ANK2: variants seen among roughly 807,000 people sequenced by gnomAD.
The protein encoded by ANK2 is ankyrin 2.
In ANK2, 83 loss-of-function variants were observed where a neutral mutation model predicts 360.5. The ratio of observed to expected loss-of-function variants is 0.23; its 90% CI spans 0.19 to 0.28. ANK2 has a LOEUF of 0.28. Among genes scored for constraint, ANK2 ranks in the 10% least tolerant of loss-of-function variants. ANK2 has a pLI of 1.00. For synonymous variants in ANK2, 1,740 were observed against 1,759.5 expected, an observed-to-expected ratio of 0.99 and a Z score of 0.28; for missense variants, 4,201 against 4,795.7, an observed-to-expected ratio of 0.88 and a Z score of 3.66.
intron 1 of ANK2, among the ~76,000 whole-genome samples, chr4:112,893,300 G>A (rs945180134): frequency 2.0e-5 from 3 of 152,042 alleles, no homozygotes; most frequent in Non-Finnish European, 2.9e-5. Context: ...GACCACAGGT[G>A]CATGCCACCA....
At position 113,024,865 on chromosome 4, in the gene ANK2, C is replaced by G. The variant is rs146807182; in HGVS notation, c.21+120351C>G. ...TAGAATGTTTTATTTAAATATTTAT[C>G]TTTCCCATAAAAAATTTTCTTTTAG... On this transcript the variant is annotated intron_variant, in intron 2 of 30. Coordinates refer to the ANK2 transcript ENST00000503271. Among the ~76,000 whole-genome samples the G allele has an allele frequency of 8.9e-4, 136 of 152,204 alleles. No individual in the cohort carries two copies. In the Middle Eastern group the frequency reaches 0.014, roughly 15 times the overall value.
At chr4:113,306,543 A>C (rs923744311) in intron 23 of ANK2, among the ~76,000 whole-genome samples, 1 of 152,250 alleles carries the variant, frequency 6.6e-6, no homozygotes, top group African/African-American at 2.4e-5. Flanking sequence ...GCAGTGGTAC[A>C]TAGAAAAAGT....
chr4:113,129,832 C>G (rs1233568738), intron 1 of ANK2, among the ~76,000 whole-genome samples: 2 of 152,018 alleles, frequency 1.3e-5, no homozygotes, highest in East Asian at 1.9e-4. Flanking sequence ...TTAAAAGACC[C>G]TTTTTTGAGG....
At chr4:112,947,822 G>T (rs889166120) in intron 2 of ANK2, among the ~76,000 whole-genome samples, 7 of 152,210 alleles carry the variant, frequency 4.6e-5, no homozygotes, top group Non-Finnish European at 1.0e-4. Context: ...AGTGAACAAT[G>T]ATTACTATTA....
chr4:112,709,878 T>C, the ANK2 span, among the ~76,000 whole-genome samples: 1 of 152,252 alleles, frequency 6.6e-6, no homozygotes, highest in Non-Finnish European at 1.5e-5. Context: ...CCGTCTGTCA[T>C]TGGTGCCAGA....
intron 9 of ANK2, among the ~76,000 whole-genome samples, chr4:113,243,584 A>G (rs768885867): frequency 3.9e-5 from 6 of 152,140 alleles, no homozygotes; most frequent in Non-Finnish European, 8.8e-5. Context: ...GTGTCTTTGC[A>G]TCAGAGTTTT....
chr4:112,717,897 ATC>A, the ANK2 span, among the ~76,000 whole-genome samples: 1 of 152,208 alleles, frequency 6.6e-6, no homozygotes, highest in South Asian at 2.1e-4. Flanking sequence ...AGAAAATCTT[ATC>A]TCTCTTTCTG....
At chr4:113,307,508 C>T (rs756381142) in intron 23 of ANK2, among the ~76,000 whole-genome samples, 4 of 149,540 alleles carry the variant, frequency 2.7e-5, no homozygotes, top group Non-Finnish European at 4.4e-5. Context: ...CTCCATCTCC[C>T]GGGTTCTCCT....
At chr4:113,035,905 T>C (rs1016315702) in intron 2 of ANK2, among the ~76,000 whole-genome samples, 3 of 151,958 alleles carry the variant, frequency 2.0e-5, no homozygotes, top group Non-Finnish European at 4.4e-5. Flanking sequence ...GATTTTAAAA[T>C]TTTCTGTCCA....
At chr4:112,951,645 A>T (rs2095015509) in intron 2 of ANK2, among the ~76,000 whole-genome samples, 2 of 130,994 alleles carry the variant, frequency 1.5e-5, no homozygotes, top group African/African-American at 3.1e-5. Flanking sequence ...CTAAGGGTTT[A>T]AAAAAAAAAT....
chr4:112,810,313 T>G, the ANK2 span, among the ~76,000 whole-genome samples: 2 of 151,602 alleles, frequency 1.3e-5, no homozygotes, highest in African/African-American at 4.8e-5. Context: ...AATAAAGATT[T>G]TTTTCTTAAC....
chr4:113,354,015 A>C lies in ANK2; in HGVS notation c.5397A>C (p.Lys1799Asn), dbSNP rs2095577614. ...IRVKGKEDVP[K>N]KTTHRPHPAA... is the part of the protein sequence containing the mutation. Reference sequence around the variant, plus strand: ...TCAAAGGCAAGGAGGACGTGCCAAAAAAGACCACCCACAGGCCACATCCAG... The same window carrying C: ...TCAAAGGCAAGGAGGACGTGCCAAACAAGACCACCCACAGGCCACATCCAG... The change falls in exon 38 of 46, where the codon AAA becomes AAC. Residue 1799 changes from lysine (K) to asparagine (N), a missense_variant. Lys to Asn is a moderately conservative substitution (Grantham distance 94, BLOSUM62 0). Coordinates refer to ENST00000357077, the MANE Select transcript of ANK2 (RefSeq NM_001148.6). 1 of 1,614,066 alleles carries C rather than the reference A, an allele frequency of 6.2e-7. No homozygotes were observed. The highest frequency in any genetic ancestry group is 8.5e-7 in the Non-Finnish European group (1 of 1,179,994).
intron 22 of ANK2, among the ~76,000 whole-genome samples, chr4:113,300,288 T>A (rs2153785964): frequency 6.6e-6 from 1 of 152,314 alleles, no homozygotes; most frequent in Admixed American, 6.5e-5. Context: ...AACTGTGCCT[T>A]CATGTGAGTA....
intron 7 of ANK2, among the ~76,000 whole-genome samples, 199 bp downstream of exon 7, chr4:113,237,821 A>G (rs2099395399): frequency 6.6e-6 from 1 of 152,236 alleles, no homozygotes; most frequent in Non-Finnish European, 1.5e-5. Flanking sequence ...CATTATTTTT[A>G]TCAGTAAAAC....
rs114614641 is a variant in ANK2, at chr4:113,368,801, G to A, written c.11319-713G>A. Among the ~76,000 whole-genome samples the A allele has an allele frequency of 8.0e-3, 1,212 of 152,190 alleles. 16 individuals are homozygous for A. The highest frequency in any genetic ancestry group is 0.028 in the African/African-American group (1,149 of 41,532). ...CCTGTAGGTTTTAAAGAAAATATAA[G>A]GAAGAAGGAGAAGGACCAAGGAAAA... On this transcript the variant is annotated intron_variant, in intron 42 of 45. Coordinates refer to ENST00000357077, the MANE Select transcript of ANK2 (RefSeq NM_001148.6).
chr4:113,198,899 A>G (rs2098789929), intron 3 of ANK2, 112 bp from the exon 4 acceptor site: 2 of 913,904 alleles, frequency 2.2e-6, no homozygotes, highest in Non-Finnish European at 3.5e-6. Flanking sequence ...CTTGATAAAT[A>G]ACAAATTTTA....
chr4:113,101,787 G>C (rs920298468), intron 1 of ANK2, among the ~76,000 whole-genome samples: 1 of 152,160 alleles, frequency 6.6e-6, no homozygotes. Flanking sequence ...GGTTTGGCTT[G>C]AGTTGGGAAT....
chr4:112,889,328 A>T (rs2079281444), intron 1 of ANK2, among the ~76,000 whole-genome samples: 1 of 151,498 alleles, frequency 6.6e-6, no homozygotes, highest in South Asian at 2.1e-4. Flanking sequence ...CTTTGGGGTG[A>T]GTGATGCATG....
At chr4:113,077,217 A>C (rs944202809) in intron 1 of ANK2, among the ~76,000 whole-genome samples, 2 of 152,180 alleles carry the variant, frequency 1.3e-5, no homozygotes, top group South Asian at 4.1e-4. Flanking sequence ...TGAATATAAG[A>C]AGATTCTCAT....
Sources: allele counts gnomAD v4.1 joint callset (sites outside exome capture counted in the v4.1 genomes callset), GRCh38; gene constraint gnomAD v4.1.1; transcripts MANE v1.5; gene names NCBI Gene and HGNC (gene_info 2026-07-23, HGNC 2026-07-21).